Variants in CXCL13 observed in about 807,000 individuals in gnomAD.
CXCL13 encodes C-X-C motif chemokine ligand 13.
Under a neutral mutation model 12.2 loss-of-function variants are expected in CXCL13, and 7 were observed. The ratio of observed to expected loss-of-function variants is 0.57; its 90% confidence interval spans 0.33 to 1.07. The LOEUF is 1.07. CXCL13 is among the 50% of genes least tolerant of loss of function. CXCL13 has a pLI of 0.04. For missense variants in CXCL13, 113 were observed against 127.4 expected (o/e 0.89, Z 0.55); for synonymous variants, 47 against 42.4 (o/e 1.11, Z -0.42).
At chr4:77,539,999 G>A (rs979366789) in intron 1 of CXCL13, among the ~76,000 whole-genome samples, 4 of 152,112 alleles carry the variant, frequency 2.6e-5, no homozygotes, top group African/African-American at 7.2e-5. Context: ...CATAAAAACA[G>A]GGAGATGCTG....
chr4:77,521,062 G>A (rs532228374), intron 1 of CXCL13, among the ~76,000 whole-genome samples: 16 of 152,312 alleles, frequency 1.1e-4, no homozygotes, highest in Non-Finnish European at 2.4e-4. Flanking sequence ...TCCCAGGGAT[G>A]AAGCCAACTT....
chr4:77,573,715 T>G (rs969588097), intron 1 of CXCL13, among the ~76,000 whole-genome samples: 1 of 152,010 alleles, frequency 6.6e-6, no homozygotes. Flanking sequence ...ATGCTATAGC[T>G]CAGTAGCTAA....
chr4:77,514,610 A>G (rs1387837001), intron 1 of CXCL13, among the ~76,000 whole-genome samples: 2 of 148,190 alleles, frequency 1.3e-5, no homozygotes, highest in East Asian at 2.0e-4. Context: ...TCTTCTTTTG[A>G]GAAGTGTCTG....
At chr4:77,596,337 A>G (rs909433656) in intron 1 of CXCL13, among the ~76,000 whole-genome samples, 1 of 152,230 alleles carries the variant, frequency 6.6e-6, no homozygotes, top group Non-Finnish European at 1.5e-5. Context: ...TGTTGGCAAG[A>G]GTGTAGCGAA....
intron 1 of CXCL13, among the ~76,000 whole-genome samples, chr4:77,522,514 CTTTTTTTTTTTTTTTTTTT>C (rs777857811): frequency 9.9e-5 from 1 of 10,070 alleles, no homozygotes; most frequent in Non-Finnish European, 2.0e-4. Context: ...GCAACCCCTG[CTTTTTTTTTTTTTTTTTTT>C]TTTTTTTTTT....
At chr4:77,572,439 C>G (rs964650978) in intron 1 of CXCL13, among the ~76,000 whole-genome samples, 9 of 151,700 alleles carry the variant, frequency 5.9e-5, no homozygotes, top group Non-Finnish European at 1.3e-4. Flanking sequence ...CATGAACAGA[C>G]ACTTTTCAAA....
At chr4:77,536,845 G>A (rs909398411) in intron 1 of CXCL13, among the ~76,000 whole-genome samples, 1 of 152,150 alleles carries the variant, frequency 6.6e-6, no homozygotes, top group Admixed American at 6.5e-5. Context: ...AGGTTCAAGA[G>A]TGAGTACAGT....
rs905356636 is a variant in CXCL13 at position 77,574,039 on chromosome 4, T to G, written c.-42-31785T>G. Among the ~76,000 whole-genome samples, 7 of 151,894 alleles carry G rather than the reference T, an allele frequency of 4.6e-5. No homozygotes were observed. In the South Asian group the frequency reaches 1.2e-3, roughly 27 times the overall value. On this transcript the variant is annotated intron_variant, in intron 1 of 4. Transcript: ENST00000286758. The stretch of plus-strand genomic sequence containing the variant: ...AAAGGGCTTGCTTAAAAGCCAGAGG[T>G]GTTGGCTGTTTGTCCTAGCTAGAGT...
At chr4:77,589,452 T>C (rs747800053) in intron 1 of CXCL13, among the ~76,000 whole-genome samples, 1 of 152,194 alleles carries the variant, frequency 6.6e-6, no homozygotes, top group Non-Finnish European at 1.5e-5. Flanking sequence ...TCAAGAGTAG[T>C]GATGCTGGCA....
intron 1 of CXCL13, among the ~76,000 whole-genome samples, chr4:77,557,745 A>C (rs542963419): frequency 1.2e-4 from 18 of 152,298 alleles, no homozygotes; most frequent in Middle Eastern, 3.4e-3. Context: ...CCTGCTGAGG[A>C]GTGCTGGCAC....
chr4:77,597,621 C>T (rs1726793768), intron 1 of CXCL13, among the ~76,000 whole-genome samples: 1 of 152,088 alleles, frequency 6.6e-6, no homozygotes, highest in African/African-American at 2.4e-5. Context: ...AAGTGAAATT[C>T]TCATGGTTGG....
chr4:77,609,460 A>T (rs922311846), intron 2 of CXCL13, among the ~76,000 whole-genome samples: 1 of 151,688 alleles, frequency 6.6e-6, no homozygotes, highest in Non-Finnish European at 1.5e-5. Context: ...CAACAGGTGC[A>T]CACCACCATG....
chr4:77,566,480 A>G (rs1030021269), intron 1 of CXCL13, among the ~76,000 whole-genome samples: 14 of 152,216 alleles, frequency 9.2e-5, no homozygotes, highest in Admixed American at 5.9e-4. Flanking sequence ...CTCTTGGACC[A>G]TACATTTTTT....
At chr4:77,551,308 G>T (rs193189311) in intron 1 of CXCL13, among the ~76,000 whole-genome samples, 1 of 152,286 alleles carries the variant, frequency 6.6e-6, no homozygotes, top group East Asian at 1.9e-4. Context: ...CTTGAAGGTT[G>T]GTCTAGTGGT....
At chr4:77,522,575 A>C (rs1724638009) in intron 1 of CXCL13, among the ~76,000 whole-genome samples, 1 of 114,074 alleles carries the variant, frequency 8.8e-6, no homozygotes, top group South Asian at 2.9e-4. Flanking sequence ...ATCTTCCTCC[A>C]ATCCTTTATT....
At chr4:77,585,476 C>T (rs1456976026) in intron 1 of CXCL13, among the ~76,000 whole-genome samples, 2 of 152,186 alleles carry the variant, frequency 1.3e-5, no homozygotes, top group African/African-American at 4.8e-5. Flanking sequence ...TCGTGTGAGT[C>T]TTTCTCATAA....
intron 1 of CXCL13, among the ~76,000 whole-genome samples, chr4:77,569,251 G>A (rs1441064415): frequency 2.0e-5 from 3 of 152,174 alleles, no homozygotes; most frequent in Admixed American, 1.3e-4. Context: ...CACAGTATTG[G>A]AAGTCTTGGC....
intron 1 of CXCL13, among the ~76,000 whole-genome samples, chr4:77,538,423 C>CTTTTTTTTTTTTT (rs80263344): frequency 8.1e-6 from 1 of 124,194 alleles, no homozygotes; most frequent in African/African-American, 3.0e-5. Flanking sequence ...AATGTCTTGT[C>CTTTTTTTTTTTTT]TTTTTTTTTT....
intron 1 of CXCL13, among the ~76,000 whole-genome samples, chr4:77,594,769 G>A (rs1488487361): frequency 2.6e-5 from 4 of 152,192 alleles, no homozygotes; most frequent in African/African-American, 9.6e-5. Flanking sequence ...GGAGGCTGGG[G>A]AAGGGAGAGC....
Sources: gnomAD v4.1 joint callset for allele counts (sites outside exome capture counted in the v4.1 genomes callset) on GRCh38, gnomAD v4.1.1 for gene constraint, MANE v1.5 for transcripts, NCBI Gene and HGNC (gene_info 2026-07-23, HGNC 2026-07-21) for gene names.